Variants in TUBGCP5 observed in about 807,000 individuals in gnomAD.
TUBGCP5 encodes gamma-tubulin complex component 5.
TUBGCP5 carries 98 observed loss-of-function variants against 134.7 expected under a neutral mutation model. The observed-to-expected ratio is 0.73, with a 90% CI of 0.62 to 0.86. The LOEUF (loss-of-function observed/expected upper bound fraction) is 0.86. Ranked by LOEUF, TUBGCP5 falls within the 40% of genes least tolerant of loss-of-function variation. The pLI, the probability that TUBGCP5 is intolerant of heterozygous loss-of-function variation, is 0.00. For synonymous variants in TUBGCP5, 456 were observed against 431.4 expected (o/e 1.06, Z -0.71); for missense variants, 1,150 against 1,244.8 (o/e 0.92, Z 1.15).
chr15:23,017,328 C>T (rs2088330887), intron 13 of TUBGCP5, among the ~76,000 whole-genome samples: 1 of 151,894 alleles, frequency 6.6e-6, no homozygotes, highest in Non-Finnish European at 1.5e-5. Context: ...TACTGAATGT[C>T]CCCAACATAA....
intron 22 of TUBGCP5, 77 bp from the exon 23 acceptor site, chr15:22,999,943 C>T (rs572292243): frequency 2.7e-5 from 35 of 1,317,788 alleles, no homozygotes; most frequent in Non-Finnish European, 3.6e-5. Flanking sequence ...GACGGAGTCC[C>T]ACTGTCACCC....
At chr15:22,997,475 C>T (rs183564197), downstream of TUBGCP5, among the ~76,000 whole-genome samples, 4 of 150,892 alleles carry the variant, frequency 2.7e-5, no homozygotes, top group Non-Finnish European at 3.0e-5. Flanking sequence ...CCACCGTGCT[C>T]GGCCCCTTTT....
At chr15:23,012,262 T>C (rs559812389) in intron 13 of TUBGCP5, among the ~76,000 whole-genome samples, 2 of 152,036 alleles carry the variant, frequency 1.3e-5, no homozygotes, top group South Asian at 4.2e-4. Flanking sequence ...GCTCACTACA[T>C]AAGAAGGAAA....
In TUBGCP5 at chr15:23,008,732, G is replaced by C. The variant is rs1269399730; in HGVS notation, c.2294C>G (p.Ala765Gly). ...VSFLNVQLQE[A>G]VGQRYPEDSS... ...ATCTTCAGGATAACGCTGTCCTACT[G>C]CTTCTTGGAGTTGGACATTAAGAAA... is the stretch of plus-strand genomic sequence containing the variant. Residue 765 changes from alanine (A) to glycine (G), a missense_variant, in exon 16 of 23, where the codon GCA (alanine) becomes GGA (glycine). Physicochemically the swap from Ala to Gly is moderately conservative, Grantham distance 60. This residue lies in a region of TUBGCP5 where 697 missense variants were observed against 850.1 expected (regional missense o/e 0.82). Transcript: ENST00000615383. 1.2e-6 allele frequency: 2 copies of C among 1,607,114 alleles called. No individual in the cohort carries two copies. Among genetic ancestry groups the C allele is most frequent in the South Asian group, 1.1e-5 (1 of 89,032 alleles).
At chr15:23,022,208 CA>C (rs756708643) in intron 10 of TUBGCP5, 47 bp from the exon 11 acceptor site, 1 of 1,583,110 alleles carries the variant, frequency 6.3e-7, no homozygotes, top group Non-Finnish European at 8.7e-7. Context: ...AAAATACATG[CA>C]TCTAAAATGT....
At chr15:22,991,619 C>G (rs987070415) in intron 23 of TUBGCP5, among the ~76,000 whole-genome samples, 1 of 152,106 alleles carries the variant, frequency 6.6e-6, no homozygotes, top group African/African-American at 2.4e-5. Flanking sequence ...ACCACCATGG[C>G]CAGGACTGCC....
rs202150544 is a variant in TUBGCP5, at chr15:23,011,316, C to T, written c.1772G>A (p.Ser591Asn). 1.6e-5 allele frequency: 26 copies of T among 1,610,466 alleles called. No individual in the cohort carries two copies. In the South Asian group the frequency reaches 2.2e-4, roughly 14 times the overall value. The change falls in exon 14 of 23, where the codon AGT becomes AAT. Residue 591 changes from serine (S) to asparagine (N), a missense_variant. Ser to Asn is a conservative substitution (Grantham distance 46). This residue lies in a region of TUBGCP5 where 697 missense variants were observed against 850.1 expected (regional missense o/e 0.82). Coordinates refer to ENST00000615383, the MANE Select transcript of TUBGCP5 (RefSeq NM_052903.6). The part of the protein sequence containing the change: ...QAGARDAERK[S>N]LYTLFLESVQ... ...AGATTCCAGAAAGAGAGTGTATAAACTTTTTCTTTCTGCATCTGAAACATA... is the reference window on the plus strand; with the variant it reads ...AGATTCCAGAAAGAGAGTGTATAAATTTTTTCTTTCTGCATCTGAAACATA...
intron 13 of TUBGCP5, 64 bp downstream of exon 13, chr15:23,017,709 G>A: frequency 6.7e-6 from 10 of 1,486,110 alleles, no homozygotes; most frequent in African/African-American, 1.4e-5. Context: ...GTATCAGGAT[G>A]ACAAGAGCGA....
downstream of TUBGCP5, among the ~76,000 whole-genome samples, chr15:22,995,885 C>T (rs931285568): frequency 2.0e-5 from 3 of 152,122 alleles, no homozygotes; most frequent in South Asian, 2.1e-4. Flanking sequence ...GGAATAATAA[C>T]GGATCCTTTT....
chr15:23,033,039 T>C (rs2066400727), intron 3 of TUBGCP5, among the ~76,000 whole-genome samples: 1 of 152,228 alleles, frequency 6.6e-6, no homozygotes, highest in Non-Finnish European at 1.5e-5. Flanking sequence ...ATCTGAGTTC[T>C]ATATTTCTAA....
At chr15:23,024,306 AGTAG>A in intron 9 of TUBGCP5, 113 bp from the exon 10 acceptor site, 1 of 1,211,740 alleles carries the variant, frequency 8.3e-7, no homozygotes, top group Non-Finnish European at 1.1e-6. Context: ...CAGTATGTTT[AGTAG>A]AAGACAAAGT....
At chr15:23,020,584 C>CAAAAAAAAAAAAACAAAAA (rs2065620221) in intron 11 of TUBGCP5, among the ~76,000 whole-genome samples, 1 of 76,242 alleles carries the variant, frequency 1.3e-5, no homozygotes, top group Non-Finnish European at 2.5e-5. Context: ...GACTACGTCT[C>CAAAAAAAAAAAAACAAAAA]AAAAAAAAAA....
chr15:23,017,087 A>G (rs2065381896), intron 13 of TUBGCP5, among the ~76,000 whole-genome samples: 1 of 151,380 alleles, frequency 6.6e-6, no homozygotes. Context: ...AGAAAGTTAA[A>G]CACTGCATGT....
intron 3 of TUBGCP5, among the ~76,000 whole-genome samples, chr15:23,034,952 CAAAA>C (rs975747169): frequency 1.3e-5 from 2 of 150,108 alleles, no homozygotes; most frequent in Non-Finnish European, 3.0e-5. Context: ...ATACTAACCA[CAAAA>C]AAAAAGAGAG....
chr15:23,004,240 A>G lies in TUBGCP5; in HGVS notation c.2713-13T>C. The stretch of plus-strand genomic sequence containing the variant: ...TACTGTGTAGAATCTTGGAAGAGAA[A>G]GATAAAAAGCTTCATCAGCAGCCTT... On this transcript the variant is annotated splice_polypyrimidine_tract_variant and intron_variant, in intron 19 of 22. Transcript: ENST00000615383. 6.2e-7 allele frequency: 1 copy of G among 1,601,604 alleles called. No homozygotes were observed. The highest frequency in any genetic ancestry group is 8.5e-7 in the Non-Finnish European group (1 of 1,176,802).
intron 15 of TUBGCP5, among the ~76,000 whole-genome samples, chr15:23,009,185 C>T (rs1476230725): frequency 2.0e-5 from 3 of 151,902 alleles, no homozygotes; most frequent in African/African-American, 7.3e-5. Context: ...TATTTAATAT[C>T]TGGAATGTTT....
chr15:23,037,058 T>A, intron 2 of TUBGCP5, 41 bp downstream of exon 2: 1 of 1,599,774 alleles, frequency 6.3e-7, no homozygotes, highest in Non-Finnish European at 8.5e-7. Flanking sequence ...TATAAGAAAA[T>A]ACATATATTT....
Position 23,006,354 on chromosome 15 carries a change from TAAAG to T in TUBGCP5, c.2328-6_2328-3del. 1 of 1,590,014 alleles carries T rather than the reference TAAAG, an allele frequency of 6.3e-7. No homozygotes were observed. Among genetic ancestry groups the T allele is most frequent in the Non-Finnish European group, 8.5e-7 (1 of 1,172,864 alleles). On this transcript the variant is annotated splice_region_variant and splice_polypyrimidine_tract_variant and intron_variant, in intron 16 of 22. Transcript: ENST00000615383. ...ACATTTTCAAAAGATATAGATAGACTAAAGAAAGAAATTCCAGTTTTAGTTTGTG... is the reference window on the plus strand; with the variant it reads ...ACATTTTCAAAAGATATAGATAGACTAAAGAAATTCCAGTTTTAGTTTGTG...
At chr15:23,039,306 T>C (rs868064078) in intron 1 of TUBGCP5, 92 bp downstream of exon 1, 20 of 1,216,512 alleles carry the variant, frequency 1.6e-5, no homozygotes, top group Middle Eastern at 3.2e-4. Flanking sequence ...CCCCATGCCC[T>C]GCCCCAGCGC....
Sources: allele counts gnomAD v4.1 joint callset (sites outside exome capture counted in the v4.1 genomes callset), GRCh38; gene constraint gnomAD v4.1.1; regional missense constraint gnomAD v4.1.1; transcripts MANE v1.5; gene names NCBI Gene and HGNC (gene_info 2026-07-23, HGNC 2026-07-21).